NELL1: variants seen among roughly 807,000 people sequenced by gnomAD.
NELL1 encodes the protein protein kinase C-binding protein NELL1.
Under a neutral mutation model 107.4 loss-of-function variants are expected in NELL1, and 76 were observed. The observed-to-expected ratio is 0.71, with a 90% CI of 0.59 to 0.86. The LOEUF is 0.86. Ranked by LOEUF, NELL1 falls within the 40% of genes least tolerant of loss-of-function variation. The pLI is 0.00. For missense variants in NELL1, 1,024 were observed against 1,005.5 expected (o/e 1.02, Z -0.25); for synonymous variants, 353 against 341.2 (o/e 1.03, Z -0.38).
chr11:21,333,982 A>T (rs893344373), intron 14 of NELL1, among the ~76,000 whole-genome samples: 5 of 152,060 alleles, frequency 3.3e-5, no homozygotes, highest in Non-Finnish European at 5.9e-5. Context: ...GGGTTGGAAC[A>T]CACAATTACT....
intron 15 of NELL1, among the ~76,000 whole-genome samples, chr11:21,532,208 G>T (rs1229282425): frequency 6.6e-6 from 1 of 152,120 alleles, no homozygotes; most frequent in Non-Finnish European, 1.5e-5. Flanking sequence ...GGATTCCCTA[G>T]TGTCCCTGGG....
At chr11:20,923,537 C>T (rs1590420196) in intron 7 of NELL1, among the ~76,000 whole-genome samples, 1 of 152,272 alleles carries the variant, frequency 6.6e-6, no homozygotes, top group East Asian at 1.9e-4. Flanking sequence ...TCTCAAGGTT[C>T]TCTCAGGTGG....
At chr11:21,401,141 A>G (rs531999396) in intron 15 of NELL1, among the ~76,000 whole-genome samples, 22 of 152,028 alleles carry the variant, frequency 1.4e-4, no homozygotes, top group African/African-American at 5.3e-4. Context: ...AAGCTGAAAT[A>G]CCACGTGCTA....
chr11:21,123,334 CGTGT>C (rs142012176), intron 13 of NELL1, among the ~76,000 whole-genome samples: 3,201 of 132,428 alleles, frequency 0.024, 43 homozygotes, highest in African/African-American at 0.042. Context: ...TGTGTGCCTG[CGTGT>C]GTGTGTGTGT....
intron 2 of NELL1, among the ~76,000 whole-genome samples, chr11:20,734,870 C>A (rs571439418): frequency 2.6e-5 from 4 of 152,216 alleles, no homozygotes; most frequent in African/African-American, 9.6e-5. Context: ...GCAGCAGTGG[C>A]CCCTGGGGAT....
At chr11:21,060,978 G>T (rs144915579) in intron 12 of NELL1, among the ~76,000 whole-genome samples, 1 of 152,122 alleles carries the variant, frequency 6.6e-6, no homozygotes, top group Non-Finnish European at 1.5e-5. Flanking sequence ...CCCATGATCC[G>T]CCTGCCTCGG....
intron 8 of NELL1, among the ~76,000 whole-genome samples, chr11:20,928,119 T>C (rs1564971395): frequency 6.6e-6 from 1 of 152,214 alleles, no homozygotes; most frequent in Non-Finnish European, 1.5e-5. Context: ...AATAGACTTT[T>C]TGTTTTCTGC....
intron 13 of NELL1, among the ~76,000 whole-genome samples, chr11:21,198,104 C>A (rs948862870): frequency 6.6e-6 from 1 of 152,178 alleles, no homozygotes; most frequent in Non-Finnish European, 1.5e-5. Context: ...AGGTTTCTTT[C>A]CACATATGTC....
intron 13 of NELL1, among the ~76,000 whole-genome samples, chr11:21,139,636 A>G (rs112522159): frequency 0.012 from 1,835 of 152,344 alleles, 30 homozygotes; most frequent in African/African-American, 0.041. Context: ...TAGACACTAG[A>G]ATGGTGCCTG....
intron 3 of NELL1, among the ~76,000 whole-genome samples, chr11:20,797,833 C>T (rs762145802): frequency 3.1e-4 from 47 of 152,214 alleles, no homozygotes; most frequent in South Asian, 8.3e-4. Context: ...TTTCTTTAAT[C>T]ATTGTGCTGT....
intron 14 of NELL1, among the ~76,000 whole-genome samples, chr11:21,264,071 G>GGTGTGTGTGTGTGTGTGTGTGT (rs10525326): frequency 0.02 from 2,839 of 139,388 alleles, 67 homozygotes; most frequent in African/African-American, 0.053. Context: ...TCTACAATGG[G>GGTGTGTGTGTGTGTGTGTGTGT]GTGTGTGTGT....
chr11:21,470,185 C>A (rs993854520), intron 15 of NELL1, among the ~76,000 whole-genome samples: 10 of 151,974 alleles, frequency 6.6e-5, no homozygotes, highest in Non-Finnish European at 2.9e-5. Context: ...ATCAAGGTTG[C>A]AAAATTGGTA....
chr11:20,682,169 G>A (rs1003708109), intron 2 of NELL1, among the ~76,000 whole-genome samples: 3 of 151,912 alleles, frequency 2.0e-5, no homozygotes, highest in African/African-American at 7.2e-5. Flanking sequence ...ACATAATGAT[G>A]TTTCCTGAGT....
At chr11:20,686,673 A>G (rs1422277460) in intron 2 of NELL1, among the ~76,000 whole-genome samples, 1 of 152,164 alleles carries the variant, frequency 6.6e-6, no homozygotes, top group Non-Finnish European at 1.5e-5. Context: ...GGTGATCAAT[A>G]TGAGTAGGTT....
intron 12 of NELL1, among the ~76,000 whole-genome samples, chr11:21,061,092 C>G (rs1853730991): frequency 6.6e-6 from 1 of 152,160 alleles, no homozygotes; most frequent in Non-Finnish European, 1.5e-5. Context: ...TAACAACCAG[C>G]CTAAATCTGC....
chr11:20,790,537 C>G (rs533106890), intron 3 of NELL1, among the ~76,000 whole-genome samples: 1 of 152,330 alleles, frequency 6.6e-6, no homozygotes, highest in East Asian at 1.9e-4. Flanking sequence ...CGTGGGCCCA[C>G]AGCTGCAGCT....
At chr11:20,883,677 G>A (rs1168604298) in intron 4 of NELL1, among the ~76,000 whole-genome samples, 1 of 152,026 alleles carries the variant, frequency 6.6e-6, no homozygotes, top group Admixed American at 6.6e-5. Context: ...TATCTCTATA[G>A]GGCATAAATA....
intron 2 of NELL1, 122 bp downstream of exon 2, chr11:20,678,182 T>C (rs2133850987): frequency 8.7e-7 from 1 of 1,149,746 alleles, no homozygotes; most frequent in Middle Eastern, 2.9e-4. Context: ...TGTTGCTGTC[T>C]TGAGTGTTTA....
At chr11:20,878,358 CA>C (rs58962461) in intron 4 of NELL1, among the ~76,000 whole-genome samples, 17,624 of 95,584 alleles carry the variant, frequency 0.18, 3,118 homozygotes, top group African/African-American at 0.5. Flanking sequence ...GACCCCGTCT[CA>C]AAAAAAAAAA....
Sources: allele counts gnomAD v4.1 joint callset (sites outside exome capture counted in the v4.1 genomes callset), GRCh38; gene constraint gnomAD v4.1.1; transcripts MANE v1.5; gene names NCBI Gene and HGNC (gene_info 2026-07-23, HGNC 2026-07-21).